Variants in NECTIN3 observed in about 807,000 individuals in gnomAD.
NECTIN3 encodes nectin-3.
Under a neutral mutation model 49.4 loss-of-function variants are expected in NECTIN3, and 8 were observed. The observed-to-expected ratio is 0.16, with a 90% confidence interval of 0.10 to 0.29. The LOEUF is 0.29. Ranked by LOEUF, NECTIN3 falls within the 10% of genes least tolerant of loss-of-function variation. The pLI, the probability that NECTIN3 is intolerant of heterozygous loss-of-function variation, is 1.00. For missense variants in NECTIN3, 581 were observed against 654.6 expected, an observed-to-expected ratio of 0.89 and a Z score of 1.23; for synonymous variants, 277 against 241.1, an observed-to-expected ratio of 1.15 and a Z score of -1.38.
intron 4 of NECTIN3, among the ~76,000 whole-genome samples, chr3:111,125,022 C>CTTTTTT (rs869201432): frequency 3.0e-4 from 27 of 90,188 alleles, no homozygotes; most frequent in Non-Finnish European, 4.5e-4. Flanking sequence ...TCTTTTCTTT[C>CTTTTTT]TTTTTTTTTT....
At chr3:111,178,351 A>G (rs145130193) in intron 7 of NECTIN3, among the ~76,000 whole-genome samples, 4 of 152,316 alleles carry the variant, frequency 2.6e-5, no homozygotes, top group African/African-American at 9.6e-5. Context: ...AATCTATAAT[A>G]TTACAAATTA....
intron 1 of NECTIN3, among the ~76,000 whole-genome samples, chr3:111,087,211 T>C (rs557654999): frequency 3.3e-5 from 5 of 152,206 alleles, no homozygotes; most frequent in Non-Finnish European, 7.3e-5. Context: ...GTATTGTTTT[T>C]CTTTTCCTTT....
chr3:111,184,999 T>C (rs947403057), intron 7 of NECTIN3, among the ~76,000 whole-genome samples: 12 of 152,232 alleles, frequency 7.9e-5, no homozygotes, highest in South Asian at 2.1e-4. Flanking sequence ...TAAGTATCAC[T>C]CAATTCTAAT....
At chr3:111,162,759 C>T (rs2035239573) in intron 7 of NECTIN3, among the ~76,000 whole-genome samples, 1 of 152,124 alleles carries the variant, frequency 6.6e-6, no homozygotes, top group Admixed American at 6.6e-5. Flanking sequence ...CCTGATCTTC[C>T]TTTAAGCTTT....
intron 7 of NECTIN3, among the ~76,000 whole-genome samples, chr3:111,166,064 A>C (rs1470866879): frequency 6.6e-6 from 1 of 152,190 alleles, no homozygotes; most frequent in African/African-American, 2.4e-5. Flanking sequence ...TGATTGCTAC[A>C]TGCCCGAGGT....
chr3:111,078,927 C>G (rs1288008207), intron 1 of NECTIN3, among the ~76,000 whole-genome samples: 1 of 152,096 alleles, frequency 6.6e-6, no homozygotes, highest in Admixed American at 6.5e-5. Flanking sequence ...ATGTATGACA[C>G]ATCTGACTCT....
At chr3:111,145,131 G>A (rs2034843392) in intron 6 of NECTIN3, 3 of 1,347,812 alleles carry the variant, frequency 2.2e-6, no homozygotes, top group East Asian at 5.0e-5. Context: ...GAACTTAAGG[G>A]ATAGAAGTAA....
chr3:111,083,250 A>G (rs961739679), intron 1 of NECTIN3, among the ~76,000 whole-genome samples: 1 of 152,156 alleles, frequency 6.6e-6, no homozygotes, highest in Non-Finnish European at 1.5e-5. Context: ...GAGAAAAAAG[A>G]GTAATTTGTG....
intron 7 of NECTIN3, among the ~76,000 whole-genome samples, chr3:111,174,635 G>A (rs977815008): frequency 5.3e-5 from 8 of 151,364 alleles, no homozygotes; most frequent in Non-Finnish European, 1.2e-4. Context: ...GTACTGAAAC[G>A]GGAGGGTTCC....
rs1008768563 is a variant in NECTIN3 at position 111,137,148 on chromosome 3, C to G, written c.*2933C>G. ...GTAGTCATTTTATATGTGAAAACATCTGATTTGAGTTTTTGATAAATACTG... is the reference window on the plus strand; with the variant it reads ...GTAGTCATTTTATATGTGAAAACATGTGATTTGAGTTTTTGATAAATACTG... On this transcript the variant is annotated 3_prime_UTR_variant, in exon 6 of 6. Coordinates refer to ENST00000485303, the MANE Select transcript of NECTIN3 (RefSeq NM_015480.3). The G allele has an allele frequency of 2.1e-6, 2 of 963,740 alleles. No individual in the cohort carries two copies. The highest frequency in any genetic ancestry group is 3.5e-5 in the African/African-American group (2 of 56,666). 59.7% of individuals were successfully genotyped at this position (963,740 alleles called of 1,614,324 possible).
intron 1 of NECTIN3, among the ~76,000 whole-genome samples, chr3:111,105,911 G>A (rs2033161345): frequency 6.7e-6 from 1 of 149,656 alleles, no homozygotes; most frequent in South Asian, 2.1e-4. Context: ...TCTCTATTCT[G>A]TTTCAAATCA....
chr3:111,174,607 A>C (rs1478522369), intron 7 of NECTIN3, among the ~76,000 whole-genome samples: 1 of 151,856 alleles, frequency 6.6e-6, no homozygotes, highest in Non-Finnish European at 1.5e-5. Context: ...AGGTAGTTAC[A>C]TGTCTACAGT....
chr3:111,098,963 AT>A (rs1414316025), intron 1 of NECTIN3, among the ~76,000 whole-genome samples: 1 of 151,666 alleles, frequency 6.6e-6, no homozygotes, highest in African/African-American at 2.4e-5. Context: ...AACAAACTTA[AT>A]TAAGAACTTG....
At chr3:111,178,404 C>G (rs1023812230) in intron 7 of NECTIN3, among the ~76,000 whole-genome samples, 2 of 152,178 alleles carry the variant, frequency 1.3e-5, no homozygotes, top group Admixed American at 1.3e-4. Flanking sequence ...CTATATCACT[C>G]TGAGTATAAA....
Position 111,134,867 on chromosome 3 carries a change from A to G in NECTIN3, c.*652A>G, listed in dbSNP as rs1198823715. On this transcript the variant is annotated 3_prime_UTR_variant, in exon 6 of 6. Coordinates refer to ENST00000485303, the MANE Select transcript of NECTIN3 (RefSeq NM_015480.3). ...TGTTGCACTAAAACTGTGGTAGTAAACTCAGTGAACATGATGTGTGGAAGA... is the reference window on the plus strand; with the variant it reads ...TGTTGCACTAAAACTGTGGTAGTAAGCTCAGTGAACATGATGTGTGGAAGA... The G allele has an allele frequency of 6.1e-6, 6 of 982,860 alleles. No individual in the cohort carries two copies. The highest frequency in any genetic ancestry group is 7.2e-6 in the Non-Finnish European group (6 of 827,854). The allele number at this position is 982,860 out of a possible 1,614,324, so 60.9% of individuals were successfully genotyped here.
At chr3:111,081,375 G>C (rs956868587) in intron 1 of NECTIN3, among the ~76,000 whole-genome samples, 1 of 152,218 alleles carries the variant, frequency 6.6e-6, no homozygotes, top group Non-Finnish European at 1.5e-5. Context: ...GCTCCTTGGA[G>C]TCTTTGCCCT....
downstream of NECTIN3, among the ~76,000 whole-genome samples, chr3:111,141,623 T>A (rs1454644291): frequency 1.3e-5 from 2 of 151,950 alleles, no homozygotes; most frequent in Admixed American, 1.3e-4. Context: ...GTCAGTATAC[T>A]CTTGTTGTGT....
Position 111,136,178 on chromosome 3 carries a change from G to A in NECTIN3, c.*1963G>A. On this transcript the variant is annotated 3_prime_UTR_variant, in exon 6 of 6. Transcript: ENST00000485303. ...TCAAAATTTCATCTTTTAAAATAAT[G>A]GTTTGAAATACTGTATGGATCTGAA... 1.0e-6 allele frequency: 1 copy of A among 972,776 alleles called. No individual in the cohort carries two copies. Among genetic ancestry groups the A allele is most frequent in the Non-Finnish European group, 1.2e-6 (1 of 818,840 alleles). 60.3% of individuals were successfully genotyped at this position (972,776 alleles called of 1,614,324 possible). A position where few individuals can be genotyped will look rare whatever the true frequency, so the allele number is the denominator to read the frequency against.
intron 1 of NECTIN3, among the ~76,000 whole-genome samples, chr3:111,099,514 G>A (rs1035600156): frequency 2.6e-5 from 4 of 152,072 alleles, no homozygotes; most frequent in African/African-American, 9.7e-5. Flanking sequence ...CTTCTGTGTT[G>A]TAGAACATAG....
Sources: gnomAD v4.1 joint callset for allele counts (sites outside exome capture counted in the v4.1 genomes callset) on GRCh38, gnomAD v4.1.1 for gene constraint, MANE v1.5 for transcripts, NCBI Gene and HGNC (gene_info 2026-07-23, HGNC 2026-07-21) for gene names.